The following ARAP2 variants were observed in gnomAD, a reference collection of about 807,000 sequenced individuals.
ARAP2 encodes ArfGAP with RhoGAP domain, ankyrin repeat and PH domain 2, also known as arf-GAP with Rho-GAP domain, ANK repeat and PH domain-containing protein 2.
Under a neutral mutation model 194.5 loss-of-function variants are expected in ARAP2, and 148 were observed. That is an observed-to-expected ratio of 0.76 (90% CI 0.67 to 0.87). ARAP2 has a LOEUF of 0.87. Among genes scored for constraint, ARAP2 ranks in the 40% least tolerant of loss-of-function variants. The pLI is 0.00. For synonymous variants in ARAP2, 695 were observed against 683.5 expected, an observed-to-expected ratio of 1.02 and a Z score of -0.26; for missense variants, 2,128 against 1,989.7, an observed-to-expected ratio of 1.07 and a Z score of -1.32.
intron 4 of ARAP2, 142 bp from the exon 5 acceptor site, chr4:36,212,629 ATTTTC>A: frequency 3.8e-6 from 2 of 525,792 alleles, no homozygotes; most frequent in Non-Finnish European, 6.7e-6. Flanking sequence ...ACTTAGATCA[ATTTTC>A]AGAAAAAAAA....
chr4:36,109,213 T>C (rs1204960722), intron 26 of ARAP2, among the ~76,000 whole-genome samples: 2 of 151,824 alleles, frequency 1.3e-5, no homozygotes, highest in Non-Finnish European at 1.5e-5. Flanking sequence ...TTGCTTCCTA[T>C]CCAGTAAAGA....
At chr4:36,063,496 TGACCTGACCATGGACGAAGCAGCTCCA>T (rs1370818677), downstream of ARAP2, among the ~76,000 whole-genome samples, 2 of 151,786 alleles carry the variant, frequency 1.3e-5, no homozygotes, top group Non-Finnish European at 2.9e-5. Flanking sequence ...AGAAGCATTG[TGACCTGACCATGGACGAAGCAGCTCCA>T]GCTGCCTCAA....
intron 20 of ARAP2, among the ~76,000 whole-genome samples, chr4:36,131,420 A>C (rs1413861632): frequency 2.0e-5 from 3 of 150,818 alleles, no homozygotes; most frequent in Non-Finnish European, 4.4e-5. Context: ...CTATATGTGT[A>C]TATATATGAA....
intron 19 of ARAP2, among the ~76,000 whole-genome samples, chr4:36,143,937 T>C (rs900079048): frequency 1.3e-5 from 2 of 151,822 alleles, no homozygotes; most frequent in Non-Finnish European, 2.9e-5. Flanking sequence ...AAAAATAATA[T>C]TACAAATGAA....
chr4:36,217,380 C>T (rs1748169150), intron 2 of ARAP2, among the ~76,000 whole-genome samples: 2 of 152,088 alleles, frequency 1.3e-5, no homozygotes, highest in African/African-American at 4.8e-5. Flanking sequence ...AGCGTGGTGG[C>T]GGCACGCCAG....
chr4:36,010,806 A>T (rs1186904817), intron 9 of ARAP2, among the ~76,000 whole-genome samples: 1 of 152,176 alleles, frequency 6.6e-6, no homozygotes, highest in East Asian at 1.9e-4. Flanking sequence ...ATGGTAAGAT[A>T]GCATTTCCTG....
chr4:36,207,259 GATTTA>G (rs1368911464), intron 6 of ARAP2, among the ~76,000 whole-genome samples: 1 of 152,170 alleles, frequency 6.6e-6, no homozygotes, highest in Non-Finnish European at 1.5e-5. Context: ...TGAAGAAGAT[GATTTA>G]TTTTAATCCT....
At chr4:36,099,873 T>C (rs1716378117) in intron 27 of ARAP2, among the ~76,000 whole-genome samples, 1 of 152,086 alleles carries the variant, frequency 6.6e-6, no homozygotes, top group South Asian at 2.1e-4. Flanking sequence ...AGAATGTAAG[T>C]CCTTGTTTAA....
chr4:36,210,474 T>C lies in ARAP2; in HGVS notation c.1403A>G (p.Gln468Arg), dbSNP rs961269115. Residue 468 changes from glutamine (Q) to arginine (R), a missense_variant, in exon 6 of 33, where the codon CAG becomes CGG. Physicochemically the swap from Gln to Arg is conservative, Grantham distance 43. Coordinates refer to ENST00000303965, the MANE Select transcript of ARAP2 (RefSeq NM_015230.4). Reference protein sequence around the residue: ...GNADSSAVSSQAISPYACFYG... With the variant: ...GNADSSAVSSRAISPYACFYG... ...AAAGCAGGCATAGGGAGATATTGCC[T>C]GTGAAGAAACGGCTGATGAATCAGC... The C allele has an allele frequency of 6.2e-7, 1 of 1,614,000 alleles. No homozygotes were observed. Among genetic ancestry groups the C allele is most frequent in the Non-Finnish European group, 8.5e-7 (1 of 1,179,892 alleles).
intron 28 of ARAP2, among the ~76,000 whole-genome samples, chr4:36,085,202 T>G (rs1344390290): frequency 6.6e-6 from 1 of 152,114 alleles, no homozygotes; most frequent in African/African-American, 2.4e-5. Flanking sequence ...GCTCATTGTT[T>G]ACCTTATTGT....
chr4:36,085,424 CAATT>C (rs2109360537), intron 28 of ARAP2, among the ~76,000 whole-genome samples: 1 of 151,968 alleles, frequency 6.6e-6, no homozygotes, highest in African/African-American at 2.4e-5. Flanking sequence ...TTTTTGTTGA[CAATT>C]ATTCTACCCC....
intron 25 of ARAP2, among the ~76,000 whole-genome samples, chr4:36,114,688 T>C (rs1381174861): frequency 6.6e-6 from 1 of 152,006 alleles, no homozygotes; most frequent in African/African-American, 2.4e-5. Context: ...AGATTCTAAA[T>C]TATACACAGT....
intron 7 of ARAP2, among the ~76,000 whole-genome samples, chr4:36,192,835 A>G (rs954339927): frequency 5.9e-5 from 9 of 152,256 alleles, no homozygotes; most frequent in African/African-American, 2.2e-4. Context: ...TGTCTCTACT[A>G]AAATTACAAA....
rs1176572370 is a variant in ARAP2 at position 36,151,042 on chromosome 4, T to C, written c.2755A>G (p.Thr919Ala). 6.3e-7 allele frequency: 1 copy of C among 1,585,862 alleles called. No homozygotes were observed. Among genetic ancestry groups the C allele is most frequent in the South Asian group, 1.2e-5 (1 of 83,856 alleles). ...TCCAAAACACACCATTTTTTATTTG[T>C]CTCTAAGAATTTGAAACAAAACAAA... Reference protein sequence around the residue: ...LSSEKKLLEETNKKWCVLEGG... With the variant: ...LSSEKKLLEEANKKWCVLEGG... The change falls in exon 16 of 33, where the codon ACA (threonine) becomes GCA (alanine). Residue 919 changes from threonine to alanine, a missense_variant and splice_region_variant. By Grantham distance (58) the Thr-to-Ala change is moderately conservative. Coordinates refer to ENST00000303965, the MANE Select transcript of ARAP2 (RefSeq NM_015230.4).
In ARAP2 at chr4:36,160,598, G is replaced by C. The variant is rs1220014053; in HGVS notation, c.2303C>G (p.Ala768Gly). 10 of 1,496,800 alleles carry C rather than the reference G, an allele frequency of 6.7e-6. No homozygotes were observed. Among genetic ancestry groups the C allele is most frequent in the Non-Finnish European group, 8.8e-6 (10 of 1,133,532 alleles). The allele number at this position is 1,496,800 out of a possible 1,614,324, so 92.7% of individuals were successfully genotyped here. The change falls in exon 13 of 33, where the codon GCT becomes GGT. Residue 768 changes from alanine (A) to glycine (G), a missense_variant. Ala to Gly is a moderately conservative substitution (Grantham distance 60, BLOSUM62 0). Transcript: ENST00000303965. ...IGNKRANDFWAGNLQKDEELH... is the reference protein window; with the variant it reads ...IGNKRANDFWGGNLQKDEELH... ...TTCTTCATCCTTTTGAAGATTACCA[G>C]CCCAAAAGTCATTTGCTCTTTTGTT...
At chr4:36,029,183 T>C (rs1718488775) in intron 5 of ARAP2, among the ~76,000 whole-genome samples, 1 of 152,054 alleles carries the variant, frequency 6.6e-6, no homozygotes, top group Admixed American at 6.6e-5. Context: ...TAGCCTATCT[T>C]GGACTAAGCA....
At chr4:36,158,606 T>G in intron 15 of ARAP2, 124 bp downstream of exon 15, 1 of 827,876 alleles carries the variant, frequency 1.2e-6, no homozygotes, top group Non-Finnish European at 1.9e-6. Context: ...TTATAAATCC[T>G]CAAAAATATC....
intron 2 of ARAP2, among the ~76,000 whole-genome samples, chr4:36,217,769 C>A (rs1338712685): frequency 1.3e-5 from 2 of 150,188 alleles, no homozygotes; most frequent in East Asian, 3.9e-4. Context: ...AGAAAAAAAT[C>A]TAATTAAATT....
intron 6 of ARAP2, among the ~76,000 whole-genome samples, chr4:36,197,204 A>G (rs1243075687): frequency 6.6e-6 from 1 of 152,170 alleles, no homozygotes; most frequent in African/African-American, 2.4e-5. Flanking sequence ...GTAATGATCA[A>G]TCAGGGTAAA....
Sources: allele counts gnomAD v4.1 joint callset (sites outside exome capture counted in the v4.1 genomes callset), GRCh38; gene constraint gnomAD v4.1.1; transcripts MANE v1.5; gene names NCBI Gene and HGNC (gene_info 2026-07-23, HGNC 2026-07-21).